The following ARK2N variants were observed in gnomAD, a reference collection of about 807,000 sequenced individuals.
ARK2N encodes the protein protein ARK2N.
the ARK2N span, among the ~76,000 whole-genome samples, chr18:46,175,709 G>T: frequency 6.6e-6 from 1 of 152,146 alleles, no homozygotes; most frequent in Non-Finnish European, 1.5e-5. Context: ...TACCACGTTG[G>T]CCAAGCTGGT....
At chr18:46,232,313 T>C in the ARK2N span, 5 of 152,222 alleles carry the variant, frequency 3.3e-5, no homozygotes, top group African/African-American at 1.2e-4. Flanking sequence ...CCTTTTAAAT[T>C]AATTGTACCT....
the ARK2N span, among the ~76,000 whole-genome samples, chr18:46,244,835 C>T: frequency 6.6e-6 from 1 of 151,712 alleles, no homozygotes; most frequent in Non-Finnish European, 1.5e-5. Context: ...TCCTGACCTC[C>T]AGTGATCCGC....
chr18:46,214,888 T>C, the ARK2N span, among the ~76,000 whole-genome samples: 1 of 152,220 alleles, frequency 6.6e-6, no homozygotes, highest in African/African-American at 2.4e-5. Flanking sequence ...AAGCATCAAA[T>C]TCTGGCTTTT....
chr18:46,216,098 C>A, the ARK2N span: 8 of 1,614,090 alleles, frequency 5.0e-6, no homozygotes, highest in Admixed American at 1.0e-4. The surrounding 1 kb of genome is among the most constrained non-coding windows in gnomAD (Gnocchi z 4.3). Context: ...CAGTTAGCAT[C>A]CACAGAGAGT....
At chr18:46,199,456 C>T in the ARK2N span, among the ~76,000 whole-genome samples, 1 of 148,314 alleles carries the variant, frequency 6.7e-6, no homozygotes, top group Admixed American at 6.8e-5. Context: ...GCTGGAACTA[C>T]AAGTGTGTGC....
At chr18:46,253,615 C>A in the ARK2N span, 1 of 1,492,620 alleles carries the variant, frequency 6.7e-7, no homozygotes, top group Non-Finnish European at 9.1e-7. Context: ...ACCTAGATGA[C>A]AAATCTGTCA....
the ARK2N span, among the ~76,000 whole-genome samples, chr18:46,260,296 C>G: frequency 6.6e-6 from 1 of 152,142 alleles, no homozygotes; most frequent in South Asian, 2.1e-4. Context: ...TGGCTTCCAC[C>G]TCACAGTGAT....
At chr18:46,198,761 G>T in the ARK2N span, among the ~76,000 whole-genome samples, 1 of 151,974 alleles carries the variant, frequency 6.6e-6, no homozygotes, top group Non-Finnish European at 1.5e-5. Flanking sequence ...ATCACACCTG[G>T]CTAATTTTTG....
the ARK2N span, among the ~76,000 whole-genome samples, chr18:46,200,979 CTT>C: frequency 1.6e-3 from 176 of 112,800 alleles, no homozygotes; most frequent in Admixed American, 1.8e-3. Flanking sequence ...TTTCTTTTTT[CTT>C]TTTTTTTTTT....
the ARK2N span, among the ~76,000 whole-genome samples, chr18:46,205,887 G>A: frequency 9.2e-5 from 14 of 151,910 alleles, no homozygotes; most frequent in African/African-American, 3.1e-4. Flanking sequence ...TACCATGCTC[G>A]GCTAATTTTT....
At chr18:46,188,315 C>T in the ARK2N span, among the ~76,000 whole-genome samples, 1 of 152,170 alleles carries the variant, frequency 6.6e-6, no homozygotes, top group East Asian at 1.9e-4. Flanking sequence ...ATTCTCCTGT[C>T]TCAGCCTCCG....
At chr18:46,246,077 G>A in the ARK2N span, among the ~76,000 whole-genome samples, 34 of 152,224 alleles carry the variant, frequency 2.2e-4, no homozygotes, top group African/African-American at 7.7e-4. Context: ...TGGTAATTGC[G>A]GTATTTACAT....
the ARK2N span, among the ~76,000 whole-genome samples, chr18:46,202,133 A>T: frequency 6.6e-6 from 1 of 151,818 alleles, no homozygotes; most frequent in East Asian, 1.9e-4. Context: ...CTGTTCTCAA[A>T]CTAGTATGGT....
the ARK2N span, among the ~76,000 whole-genome samples, chr18:46,212,726 A>G: frequency 6.6e-6 from 1 of 152,198 alleles, no homozygotes; most frequent in Non-Finnish European, 1.5e-5. Flanking sequence ...ATTAAATTGA[A>G]TGATGTGCCA....
At chr18:46,205,722 T>C in the ARK2N span, among the ~76,000 whole-genome samples, 1 of 152,188 alleles carries the variant, frequency 6.6e-6, no homozygotes, top group African/African-American at 2.4e-5. Context: ...TGTTTTGTTT[T>C]GTTTTATATT....
the ARK2N span, among the ~76,000 whole-genome samples, chr18:46,182,264 A>G: frequency 2.0e-5 from 3 of 152,114 alleles, no homozygotes; most frequent in African/African-American, 4.8e-5. Context: ...GTTTCTTACT[A>G]TTTTTCTCTG....
At chr18:46,218,199 G>A in the ARK2N span, 1 of 152,182 alleles carries the variant, frequency 6.6e-6, no homozygotes, top group Admixed American at 6.5e-5. Flanking sequence ...TGCTTAAATA[G>A]GTTAGATGTG....
At chr18:46,262,925 G>C in the ARK2N span, 2 of 1,612,848 alleles carry the variant, frequency 1.2e-6, no homozygotes, top group African/African-American at 2.7e-5. Context: ...CATCTCAATT[G>C]CAGGTGTGTT....
chr18:46,258,747 T>C, the ARK2N span, among the ~76,000 whole-genome samples: 1 of 152,234 alleles, frequency 6.6e-6, no homozygotes, highest in Admixed American at 6.5e-5. Flanking sequence ...GCTGAGTATG[T>C]TCCTACCTCA....
Sources: gnomAD v4.1 joint callset for allele counts (sites outside exome capture counted in the v4.1 genomes callset) on GRCh38, gnomAD v4.1.1 for gene constraint, Gnocchi (gnomAD v3.1) non-coding constraint, MANE v1.5 for transcripts, NCBI Gene and HGNC (gene_info 2026-07-23, HGNC 2026-07-21) for gene names.